The following RORA variants were observed in gnomAD, a reference collection of about 807,000 sequenced individuals.
RORA encodes RAR related orphan receptor A.
In RORA, 7 loss-of-function variants were observed where a neutral mutation model predicts 69.5. The observed-to-expected ratio is 0.10, with a 90% CI of 0.06 to 0.19. The LOEUF (loss-of-function observed/expected upper bound fraction) is 0.19, where lower values mean the gene tolerates loss of function less well. RORA is among the 10% of genes least tolerant of loss of function. RORA has a pLI of 1.00. For synonymous variants in RORA, 261 were observed against 240.8 expected (o/e 1.08, Z -0.78); for missense variants, 457 against 663.0 (o/e 0.69, Z 3.41).
intron 1 of RORA, among the ~76,000 whole-genome samples, chr15:60,984,321 C>T (rs909553521): frequency 6.6e-6 from 1 of 151,970 alleles, no homozygotes; most frequent in African/African-American, 2.4e-5. Context: ...GAGAAGGGTG[C>T]ATTCTACATA....
chr15:60,761,063 G>A (rs1010732878), intron 1 of RORA, among the ~76,000 whole-genome samples: 41 of 152,136 alleles, frequency 2.7e-4, no homozygotes, highest in Admixed American at 2.0e-4. Context: ...CTGTTCACAC[G>A]TGGGCTCCTA....
intron 1 of RORA, among the ~76,000 whole-genome samples, chr15:61,117,568 G>C (rs2079061871): frequency 1.3e-5 from 2 of 152,126 alleles, no homozygotes; most frequent in African/African-American, 4.8e-5. Context: ...TTACTTCGAA[G>C]TGCCATGCTT....
At chr15:60,734,921 A>T (rs2071478434) in intron 1 of RORA, among the ~76,000 whole-genome samples, 1 of 152,188 alleles carries the variant, frequency 6.6e-6, no homozygotes, top group Admixed American at 6.5e-5. Flanking sequence ...GTTTCATTTT[A>T]TCTGCTATTT....
At chr15:60,955,437 T>G (rs1305605590) in intron 1 of RORA, among the ~76,000 whole-genome samples, 1 of 152,268 alleles carries the variant, frequency 6.6e-6, no homozygotes. Context: ...TTTCATTATA[T>G]AGTAAGTACT....
chr15:60,689,478 C>G (rs949549067), intron 1 of RORA, among the ~76,000 whole-genome samples: 1 of 152,030 alleles, frequency 6.6e-6, no homozygotes, highest in Non-Finnish European at 1.5e-5. Flanking sequence ...TTCCATTTGT[C>G]TTTTTTTAAA....
intron 2 of RORA, among the ~76,000 whole-genome samples, chr15:60,594,861 T>G (rs1329987268): frequency 6.6e-6 from 1 of 152,244 alleles, no homozygotes; most frequent in Non-Finnish European, 1.5e-5. Flanking sequence ...CTTCATTCAC[T>G]TCCTACAACT....
At chr15:60,652,400 T>C (rs1596099005) in intron 2 of RORA, among the ~76,000 whole-genome samples, 1 of 151,978 alleles carries the variant, frequency 6.6e-6, no homozygotes, top group Non-Finnish European at 1.5e-5. Flanking sequence ...GGCTCGAAAA[T>C]AGAATGGGCT....
intron 1 of RORA, among the ~76,000 whole-genome samples, chr15:60,723,072 T>G (rs1476506502): frequency 2.0e-5 from 3 of 152,184 alleles, no homozygotes; most frequent in East Asian, 3.8e-4. Flanking sequence ...TTCAAGGGTG[T>G]GCAGACAGTT....
At chr15:60,681,785 C>G (rs1254279944) in intron 1 of RORA, 1 of 152,148 alleles carries the variant, frequency 6.6e-6, no homozygotes, top group Non-Finnish European at 1.5e-5. Flanking sequence ...GAGCTCATAG[C>G]AGTCATACAT....
chr15:61,061,396 A>AATAAATACATAC lies in RORA; in HGVS notation c.166+167656_166+167657insGTATGTATTTAT, dbSNP rs555915393. Among the ~76,000 whole-genome samples, 3,508 of 149,836 alleles carry AATAAATACATAC rather than the reference A, an allele frequency of 0.023. 65 individuals are homozygous for AATAAATACATAC. The highest frequency in any genetic ancestry group is 0.034 in the Non-Finnish European group (2,294 of 67,592). Reference sequence around the variant, plus strand: ...AAATAAATAAATAAATAAATAAATAAATACAAGGGCATCGCAGGAAGTCCT... The same window carrying AATAAATACATAC: ...AAATAAATAAATAAATAAATAAATAAATAAATACATACATACAAGGGCATCGCAGGAAGTCCT... On this transcript the variant is annotated intron_variant, in intron 1 of 10. Transcript: ENST00000335670. This position sits in a 1 kb window ranked among gnomAD's most constrained non-coding sequence, Gnocchi z 4.4.
In RORA at chr15:61,226,772, C is replaced by T. The variant is rs776727909; in HGVS notation, c.166+2281G>A. 6.6e-6 allele frequency among the ~76,000 whole-genome samples: 1 copy of T among 151,986 alleles called. No individual in the cohort carries two copies. Among genetic ancestry groups the T allele is most frequent in the Non-Finnish European group, 1.5e-5 (1 of 68,018 alleles). On this transcript the variant is annotated intron_variant, in intron 1 of 10. Transcript: ENST00000335670. The surrounding 1 kb of genome is among the most constrained non-coding windows in gnomAD (Gnocchi z 4.2). Reference sequence around the variant, plus strand: ...TTCAGACTGTTATATAACCTAGTGCCTGCGTGCAGGATGTGAGTTGAGTGT... The same window carrying T: ...TTCAGACTGTTATATAACCTAGTGCTTGCGTGCAGGATGTGAGTTGAGTGT...
chr15:61,013,133 G>T (rs1895143471), intron 1 of RORA, among the ~76,000 whole-genome samples: 1 of 152,150 alleles, frequency 6.6e-6, no homozygotes, highest in African/African-American at 2.4e-5. Flanking sequence ...TATTCATTCA[G>T]TTGCATAGGA....
At chr15:60,857,133 G>A (rs955314891) in intron 1 of RORA, among the ~76,000 whole-genome samples, 4 of 152,096 alleles carry the variant, frequency 2.6e-5, no homozygotes, top group African/African-American at 4.8e-5. Context: ...CAGGCTCGTG[G>A]GCCAGCCAGA....
Position 60,838,884 on chromosome 15 carries a change from ACACATATACTT to A in RORA, c.167-160209_167-160199del, listed in dbSNP as rs1237066899. The stretch of plus-strand genomic sequence containing the variant: ...CACACACACACACACACACACACAC[ACACATATACTT>A]TTTTTTTTTTTCAGAGGGTGTCTCA... On this transcript the variant is annotated intron_variant, in intron 1 of 10. Coordinates refer to ENST00000335670, the MANE Select transcript of RORA (RefSeq NM_134261.3). 9.1e-5 allele frequency among the ~76,000 whole-genome samples: 4 copies of A among 44,144 alleles called. 1 individual carries two copies. The highest frequency in any genetic ancestry group is 3.1e-4 in the Non-Finnish European group (4 of 12,892). The allele number at this position is 44,144 out of a possible 152,430, so 29.0% of individuals were successfully genotyped here.
chr15:61,210,230 C>T (rs2079978732), intron 1 of RORA, among the ~76,000 whole-genome samples: 1 of 152,178 alleles, frequency 6.6e-6, no homozygotes, highest in African/African-American at 2.4e-5. Context: ...GATGATCTTA[C>T]ACTTAAGAAG....
intron 1 of RORA, among the ~76,000 whole-genome samples, chr15:60,693,616 T>A (rs549779135): frequency 1.4e-4 from 22 of 152,258 alleles, no homozygotes; most frequent in African/African-American, 5.1e-4. Context: ...AAAATCAATA[T>A]GCAAAAATCA....
rs1164798414 is a variant in RORA at position 60,609,695 on chromosome 15, A to C, written c.196+68962T>G. On this transcript the variant is annotated intron_variant, in intron 2 of 10. Transcript: ENST00000335670. ...AGGTTGATAAAAATGAAATCATGAT[A>C]CACGAATCCTCATCCTATCACCAAA... 2.0e-5 allele frequency among the ~76,000 whole-genome samples: 3 copies of C among 152,194 alleles called. No homozygotes were observed. In the East Asian group the frequency reaches 5.8e-4, roughly 29 times the overall value.
chr15:61,208,730 C>T (rs1260108567), intron 1 of RORA, among the ~76,000 whole-genome samples: 1 of 152,158 alleles, frequency 6.6e-6, no homozygotes, highest in Non-Finnish European at 1.5e-5. Flanking sequence ...TTGCCCAGAG[C>T]CACTTACATA....
At chr15:61,098,204 CCTT>C (rs1330259439) in intron 1 of RORA, among the ~76,000 whole-genome samples, 7 of 133,846 alleles carry the variant, frequency 5.2e-5, no homozygotes, top group African/African-American at 1.9e-4. Flanking sequence ...CTCCTTCCTT[CCTT>C]CTTCCCTCCC....
Sources: gnomAD v4.1 joint callset for allele counts (sites outside exome capture counted in the v4.1 genomes callset) on GRCh38, gnomAD v4.1.1 for gene constraint, Gnocchi (gnomAD v3.1) non-coding constraint, MANE v1.5 for transcripts, NCBI Gene and HGNC (gene_info 2026-07-23, HGNC 2026-07-21) for gene names.